KIAA0825: variants seen among roughly 807,000 people sequenced by gnomAD.
KIAA0825 encodes uncharacterized protein KIAA0825.
KIAA0825 carries 119 observed loss-of-function variants against 147.6 expected under a neutral mutation model. The observed-to-expected ratio is 0.81, with a 90% CI of 0.69 to 0.94. The LOEUF (loss-of-function observed/expected upper bound fraction) is 0.94, where lower values mean the gene tolerates loss of function less well. Among genes scored for constraint, KIAA0825 ranks in the 40% least tolerant of loss-of-function variants. The pLI, the probability that KIAA0825 is intolerant of heterozygous loss-of-function variation, is 0.00. For missense variants in KIAA0825, 1,381 were observed against 1,472.7 expected, an observed-to-expected ratio of 0.94 and a Z score of 1.02; for synonymous variants, 470 against 518.1, an observed-to-expected ratio of 0.91 and a Z score of 1.26.
At chr5:94,471,802 G>A in intron 8 of KIAA0825, 71 bp from the exon 9 acceptor site, 2 of 1,356,582 alleles carry the variant, frequency 1.5e-6, no homozygotes, top group Non-Finnish European at 2.0e-6. Flanking sequence ...GGACAGTGGA[G>A]CCAAATTCCT....
At chr5:94,272,127 A>C (rs1777020491) in intron 20 of KIAA0825, among the ~76,000 whole-genome samples, 1 of 150,442 alleles carries the variant, frequency 6.6e-6, no homozygotes, top group South Asian at 2.1e-4. Context: ...AAAAAAAAAA[A>C]AAAAACTAAG....
rs1281097252 is a variant in KIAA0825, at chr5:94,450,340, C to A, written c.2357+2619G>T. 2.7e-5 allele frequency among the ~76,000 whole-genome samples: 4 copies of A among 148,010 alleles called. No individual in the cohort carries two copies. In the Admixed American group the frequency reaches 2.7e-4, roughly 10 times the overall value. On this transcript the variant is annotated intron_variant, in intron 13 of 20. Transcript: ENST00000682413. ...CCTTCCAATAATTGTTAATTCCCTGCAAAACAAGAGTTCTCTCACCCAGCA... is the reference window on the plus strand; with the variant it reads ...CCTTCCAATAATTGTTAATTCCCTGAAAAACAAGAGTTCTCTCACCCAGCA...
intron 20 of KIAA0825, among the ~76,000 whole-genome samples, chr5:94,190,253 C>T (rs745595639): frequency 2.8e-4 from 43 of 152,242 alleles, no homozygotes; most frequent in Middle Eastern, 6.8e-3. Flanking sequence ...CTTTCTTATT[C>T]GCATGCTTTC....
At chr5:94,448,488 GTTTA>G (rs1296330005) in intron 13 of KIAA0825, among the ~76,000 whole-genome samples, 1 of 151,686 alleles carries the variant, frequency 6.6e-6, no homozygotes, top group African/African-American at 2.4e-5. Context: ...AATTATCTTA[GTTTA>G]TTTAATGTTG....
In KIAA0825 at chr5:94,153,109, T is replaced by G. The variant is rs762875036; in HGVS notation, c.*898A>C. On this transcript the variant is annotated 3_prime_UTR_variant, in exon 21 of 21. Transcript: ENST00000682413. ...GTCTTTATAATCTAATATCAGGCAG[T>G]GATAGGAAGGAAATAATAAATATCT... 1 of 150,630 alleles carries G rather than the reference T, an allele frequency of 6.6e-6. No individual in the cohort carries two copies. Among genetic ancestry groups the G allele is most frequent in the Admixed American group, 6.6e-5 (1 of 15,054 alleles). 9.3% of individuals were successfully genotyped at this position (150,630 alleles called of 1,614,324 possible).
intron 2 of KIAA0825, among the ~76,000 whole-genome samples, chr5:94,578,461 A>G (rs762546531): frequency 9.9e-5 from 15 of 152,212 alleles, no homozygotes; most frequent in Non-Finnish European, 1.6e-4. Flanking sequence ...GGATTTTAAG[A>G]AAGTCTTAGA....
At chr5:94,526,929 G>A (rs1268527334) in intron 3 of KIAA0825, among the ~76,000 whole-genome samples, 9 of 151,988 alleles carry the variant, frequency 5.9e-5, no homozygotes, top group African/African-American at 2.2e-4. Flanking sequence ...CACTAAAAGT[G>A]CCTGTGGGAG....
chr5:94,568,213 A>T (rs1435496659), intron 2 of KIAA0825: 6 of 160,344 alleles, frequency 3.7e-5, no homozygotes, highest in African/African-American at 1.4e-4. Context: ...AAATAGGAGG[A>T]CTACTCAAAA....
At chr5:94,277,368 G>C (rs1018314529) in intron 20 of KIAA0825, among the ~76,000 whole-genome samples, 3 of 152,026 alleles carry the variant, frequency 2.0e-5, no homozygotes, top group African/African-American at 7.2e-5. Context: ...ATCTGACAAA[G>C]GGCTAATATC....
chr5:94,391,792 G>A, intron 17 of KIAA0825, 98 bp from the exon 18 acceptor site: 3 of 1,034,426 alleles, frequency 2.9e-6, no homozygotes, highest in Non-Finnish European at 4.1e-6. Context: ...GTAAATCTCA[G>A]ATTCAAAGCA....
chr5:94,584,914 C>G lies in KIAA0825; in HGVS notation c.-152-2331G>C, dbSNP rs183982379. 1.5e-4 allele frequency among the ~76,000 whole-genome samples: 23 copies of G among 152,256 alleles called. No individual in the cohort carries two copies. The East Asian group carries it at 3.3e-3, about 22-fold the overall frequency. ...CATGCTTAAAGAAAATAATTTTCAA[C>G]CCAGAATTTCATATTGAGCCAAACT... On this transcript the variant is annotated intron_variant, in intron 1 of 20. Transcript: ENST00000682413.
chr5:94,244,440 C>G (rs1358081319), intron 20 of KIAA0825, among the ~76,000 whole-genome samples: 1 of 152,070 alleles, frequency 6.6e-6, no homozygotes, highest in Non-Finnish European at 1.5e-5. Context: ...TCAAGTGATT[C>G]TCTCACCTCA....
intron 2 of KIAA0825, among the ~76,000 whole-genome samples, chr5:94,550,841 CAAA>C (rs1312611163): frequency 1.7e-4 from 12 of 70,948 alleles, no homozygotes; most frequent in Non-Finnish European, 2.0e-4. Context: ...GACTCTATGT[CAAA>C]AAAAAAAAAA....
At chr5:94,306,926 G>A (rs1202262659) in intron 20 of KIAA0825, among the ~76,000 whole-genome samples, 4 of 151,716 alleles carry the variant, frequency 2.6e-5, no homozygotes, top group South Asian at 2.1e-4. Context: ...ATACCCGAAC[G>A]TCATTACCAG....
At chr5:94,178,483 T>G (rs920641938) in intron 20 of KIAA0825, among the ~76,000 whole-genome samples, 2 of 152,028 alleles carry the variant, frequency 1.3e-5, no homozygotes, top group African/African-American at 2.4e-5. Context: ...TTTTTTCCCC[T>G]TAAGATTTTC....
chr5:94,221,167 A>T (rs779904773), intron 20 of KIAA0825, among the ~76,000 whole-genome samples: 20 of 152,174 alleles, frequency 1.3e-4, no homozygotes, highest in Non-Finnish European at 2.5e-4. Flanking sequence ...TGTGACCCTA[A>T]GAGTCCCTCT....
chr5:94,278,693 T>A (rs1239524812), intron 20 of KIAA0825, among the ~76,000 whole-genome samples: 2 of 152,166 alleles, frequency 1.3e-5, no homozygotes, highest in African/African-American at 4.8e-5. Context: ...TGATTGGAAA[T>A]AACTTCTATC....
chr5:94,603,036 C>T (rs1405326855), intron 1 of KIAA0825, among the ~76,000 whole-genome samples: 1 of 152,114 alleles, frequency 6.6e-6, no homozygotes, highest in East Asian at 1.9e-4. Flanking sequence ...ACCATCTTGG[C>T]CAGGCTGGTC....
chr5:94,373,520 G>A (rs1472052963), intron 20 of KIAA0825, among the ~76,000 whole-genome samples: 2 of 152,188 alleles, frequency 1.3e-5, no homozygotes, highest in African/African-American at 4.8e-5. Flanking sequence ...GGAAGGGGAA[G>A]CAAACACGTC....
Sources: gnomAD v4.1 joint callset for allele counts (sites outside exome capture counted in the v4.1 genomes callset) on GRCh38, gnomAD v4.1.1 for gene constraint, MANE v1.5 for transcripts, NCBI Gene and HGNC (gene_info 2026-07-23, HGNC 2026-07-21) for gene names.